SPADH: variants seen among roughly 807,000 people sequenced by gnomAD.
SPADH encodes spermadhesin family member, also known as CUB domain-containing protein.
chr10:122,678,995 C>T, the SPADH span: 2 of 985,198 alleles, frequency 2.0e-6, no homozygotes, highest in East Asian at 1.1e-4. Flanking sequence ...ACCCAGTCAT[C>T]CACCCACCTT....
At chr10:122,677,050 T>A in the SPADH span, among the ~76,000 whole-genome samples, 1 of 152,236 alleles carries the variant, frequency 6.6e-6, no homozygotes, top group Non-Finnish European at 1.5e-5. Context: ...TTTCACTGGC[T>A]CGTTTTCTCC....
the SPADH span, among the ~76,000 whole-genome samples, chr10:122,673,721 C>T: frequency 6.6e-6 from 1 of 152,124 alleles, no homozygotes; most frequent in Non-Finnish European, 1.5e-5. Flanking sequence ...CCTTCCTGAG[C>T]TCCTTGTTTC....
chr10:122,677,013 C>T, the SPADH span: 53 of 676,262 alleles, frequency 7.8e-5, no homozygotes, highest in Admixed American at 3.1e-4. Context: ...CACAATTTGA[C>T]GACATTTTCA....
At chr10:122,677,408 C>G in the SPADH span, among the ~76,000 whole-genome samples, 1 of 152,266 alleles carries the variant, frequency 6.6e-6, no homozygotes, top group Admixed American at 6.5e-5. Context: ...TTACATAATA[C>G]CCCTGGAAAG....
At chr10:122,673,510 G>A in the SPADH span, among the ~76,000 whole-genome samples, 15 of 152,312 alleles carry the variant, frequency 9.8e-5, no homozygotes, top group African/African-American at 3.1e-4. Flanking sequence ...GGAGTCACTT[G>A]CCCTCTAGAG....
At chr10:122,675,452 A>C in the SPADH span, among the ~76,000 whole-genome samples, 1 of 152,284 alleles carries the variant, frequency 6.6e-6, no homozygotes, top group East Asian at 1.9e-4. Context: ...TGGGTAACCC[A>C]GGGCTGTTCC....
At chr10:122,676,826 T>C in the SPADH span, 1 of 985,286 alleles carries the variant, frequency 1.0e-6, no homozygotes, top group Non-Finnish European at 1.2e-6. Flanking sequence ...GGCCGAAAAC[T>C]GAATGCGTCT....
chr10:122,679,190 G>T, the SPADH span: 1 of 209,112 alleles, frequency 4.8e-6, no homozygotes. Flanking sequence ...ATTGGGTGAG[G>T]GAGAGGGAAT....
chr10:122,677,374 G>A, the SPADH span, among the ~76,000 whole-genome samples: 1 of 152,206 alleles, frequency 6.6e-6, no homozygotes, highest in East Asian at 1.9e-4. Flanking sequence ...TGCAGAGGAG[G>A]AGAGATCTTT....
the SPADH span, among the ~76,000 whole-genome samples, chr10:122,673,858 C>A: frequency 6.6e-6 from 1 of 152,192 alleles, no homozygotes; most frequent in Non-Finnish European, 1.5e-5. Flanking sequence ...TCACCGGGTG[C>A]TCTCCTCCCC....
At chr10:122,677,014 G>A in the SPADH span, 3 of 621,242 alleles carry the variant, frequency 4.8e-6, no homozygotes, top group Non-Finnish European at 6.0e-6. Flanking sequence ...ACAATTTGAC[G>A]ACATTTTCAC....
At chr10:122,673,116 C>A in the SPADH span, among the ~76,000 whole-genome samples, 553 of 152,342 alleles carry the variant, frequency 3.6e-3, 3 homozygotes, top group African/African-American at 0.013. Context: ...ATATCTATGT[C>A]ATTGTGCTGA....
chr10:122,673,093 G>C, the SPADH span, among the ~76,000 whole-genome samples: 1 of 152,236 alleles, frequency 6.6e-6, no homozygotes, highest in Non-Finnish European at 1.5e-5. Context: ...TGGAAGAAGA[G>C]ACAAATAGGA....
chr10:122,675,227 G>A, the SPADH span, among the ~76,000 whole-genome samples: 1 of 152,182 alleles, frequency 6.6e-6, no homozygotes, highest in Non-Finnish European at 1.5e-5. Context: ...TCCCAGGAAA[G>A]TGGGACGTGA....
the SPADH span, among the ~76,000 whole-genome samples, chr10:122,677,484 C>A: frequency 3.9e-5 from 6 of 152,178 alleles, no homozygotes; most frequent in Admixed American, 1.3e-4. Flanking sequence ...TACTAGGAGT[C>A]TGTCTTTGGA....
chr10:122,674,385 C>T, the SPADH span, among the ~76,000 whole-genome samples: 1 of 152,206 alleles, frequency 6.6e-6, no homozygotes, highest in Non-Finnish European at 1.5e-5. Flanking sequence ...GCCTCAAGGC[C>T]TTTGCCTAAG....
chr10:122,678,589 A>G, the SPADH span, among the ~76,000 whole-genome samples: 6 of 152,184 alleles, frequency 3.9e-5, no homozygotes, highest in African/African-American at 1.4e-4. Context: ...TCCCTGGAAG[A>G]CATGGAAACC....
At chr10:122,675,281 T>C in the SPADH span, among the ~76,000 whole-genome samples, 74,344 of 152,052 alleles carry the variant, frequency 0.49, 19,446 homozygotes, top group African/African-American at 0.68. Context: ...TAATTCAAGA[T>C]AAGCTGACTA....
chr10:122,678,806 A>G, the SPADH span: 8 of 733,564 alleles, frequency 1.1e-5, no homozygotes, highest in Middle Eastern at 6.8e-4. Flanking sequence ...TGGCTGGAGG[A>G]CAAATCCAAA....
Sources: gnomAD v4.1 joint callset for allele counts (sites outside exome capture counted in the v4.1 genomes callset) on GRCh38, gnomAD v4.1.1 for gene constraint, MANE v1.5 for transcripts, NCBI Gene and HGNC (gene_info 2026-07-23, HGNC 2026-07-21) for gene names.